The following MACROD2 variants were observed in gnomAD, a reference collection of about 807,000 sequenced individuals.
MACROD2 encodes ADP-ribose glycohydrolase MACROD2.
A neutral mutation model predicts 70.4 loss-of-function variants in MACROD2; 36 were observed. The observed-to-expected ratio is 0.51, with a 90% CI of 0.39 to 0.68. The LOEUF is 0.68. MACROD2 is among the 30% of genes least tolerant of loss of function. MACROD2 has a pLI of 0.00. For missense variants in MACROD2, 496 were observed against 538.4 expected, an observed-to-expected ratio of 0.92 and a Z score of 0.78; for synonymous variants, 172 against 178.8, an observed-to-expected ratio of 0.96 and a Z score of 0.30.
intron 8 of MACROD2, among the ~76,000 whole-genome samples, chr20:15,720,134 A>C (rs768470221): frequency 6.6e-6 from 1 of 152,148 alleles, no homozygotes; most frequent in Non-Finnish European, 1.5e-5. Context: ...GAATTTTATT[A>C]TTTTTTATAG....
chr20:15,250,415 G>A (rs543075767), intron 6 of MACROD2, among the ~76,000 whole-genome samples: 3 of 152,204 alleles, frequency 2.0e-5, no homozygotes, highest in African/African-American at 7.2e-5. Context: ...CGTTGCATTC[G>A]CTTTGACTTT....
Position 14,879,119 on chromosome 20 carries a change from C to A in MACROD2, c.418+194160C>A, listed in dbSNP as rs149285404. Among the ~76,000 whole-genome samples, 415 of 152,174 alleles carry A rather than the reference C, an allele frequency of 2.7e-3. 1 individual carries two copies. Among genetic ancestry groups the A allele is most frequent in the Non-Finnish European group, 3.9e-3 (263 of 68,010 alleles). ...TGAGCTCCGTATTTTTTATCTTCAC[C>A]CTTATGCATTGCGTAATTAAAACCT... is the stretch of plus-strand genomic sequence containing the variant. On this transcript the variant is annotated intron_variant, in intron 5 of 17. Transcript: ENST00000684519.
chr20:14,339,023 C>T (rs1404126206), intron 3 of MACROD2, among the ~76,000 whole-genome samples: 1 of 152,194 alleles, frequency 6.6e-6, no homozygotes, highest in African/African-American at 2.4e-5. Flanking sequence ...TGTCCTTTCT[C>T]AATTTTTCCC....
chr20:14,213,151 G>A (rs1025350912), intron 3 of MACROD2, among the ~76,000 whole-genome samples: 1 of 151,630 alleles, frequency 6.6e-6, no homozygotes, highest in Non-Finnish European at 1.5e-5. Context: ...TAATATTGAT[G>A]TTACCAAATG....
chr20:14,063,309 G>C (rs752208873), intron 2 of MACROD2, among the ~76,000 whole-genome samples: 1 of 152,150 alleles, frequency 6.6e-6, no homozygotes, highest in Non-Finnish European at 1.5e-5. Context: ...GAATGTTTCA[G>C]GTCAATTAGA....
intron 6 of MACROD2, among the ~76,000 whole-genome samples, chr20:15,323,999 T>C (rs2077900378): frequency 1.3e-5 from 2 of 152,122 alleles, no homozygotes; most frequent in South Asian, 2.1e-4. Flanking sequence ...TCTGTGATGC[T>C]CATGCTTGTG....
chr20:14,887,906 A>G (rs1261465593), intron 5 of MACROD2, among the ~76,000 whole-genome samples: 1 of 151,636 alleles, frequency 6.6e-6, no homozygotes, highest in African/African-American at 2.4e-5. Flanking sequence ...TGTTTAAACT[A>G]TAAAGAAAAA....
chr20:14,717,711 G>A (rs6074777), intron 5 of MACROD2, among the ~76,000 whole-genome samples: 64,828 of 151,752 alleles, frequency 0.43, 14,733 homozygotes, highest in Non-Finnish European at 0.51. Context: ...GAATTGGAGA[G>A]AGGTAATAGA....
chr20:15,094,723 T>C (rs2075816131), intron 5 of MACROD2, among the ~76,000 whole-genome samples: 1 of 152,180 alleles, frequency 6.6e-6, no homozygotes, highest in African/African-American at 2.4e-5. Context: ...TCCCTGTGTA[T>C]TTTAAAATCT....
chr20:15,909,440 T>TA (rs1371196115), intron 10 of MACROD2, among the ~76,000 whole-genome samples: 1 of 152,012 alleles, frequency 6.6e-6, no homozygotes, highest in Non-Finnish European at 1.5e-5. Flanking sequence ...TGGAATGAGA[T>TA]ATGTATAGGT....
intron 5 of MACROD2, among the ~76,000 whole-genome samples, chr20:14,862,708 T>TAA (rs1443606720): frequency 3.3e-5 from 3 of 91,286 alleles, no homozygotes; most frequent in South Asian, 3.0e-4. Context: ...TAAATATATA[T>TAA]ATATATATTT....
intron 15 of MACROD2, among the ~76,000 whole-genome samples, chr20:16,024,677 C>T (rs1361301808): frequency 6.6e-6 from 1 of 152,178 alleles, no homozygotes; most frequent in Non-Finnish European, 1.5e-5. Context: ...AAATAGCAAC[C>T]AGATTAAATA....
intron 8 of MACROD2, among the ~76,000 whole-genome samples, chr20:15,771,052 A>G (rs2051616178): frequency 6.6e-6 from 1 of 152,196 alleles, no homozygotes; most frequent in Non-Finnish European, 1.5e-5. Context: ...ACATTCTGCT[A>G]CAAATATCAT....
At chr20:14,758,171 G>A in intron 5 of MACROD2, 1 of 280,542 alleles carries the variant, frequency 3.6e-6, no homozygotes. Context: ...ATAAACACAG[G>A]TAATTTCCAT....
rs564513310 is a variant in MACROD2, at chr20:14,588,453, C to T, written c.301+94945C>T. 1.1e-4 allele frequency among the ~76,000 whole-genome samples: 16 copies of T among 152,192 alleles called. 1 individual carries two copies. The highest frequency in any genetic ancestry group is 1.0e-3 in the Admixed American group (16 of 15,274). On this transcript the variant is annotated intron_variant, in intron 4 of 17. Transcript: ENST00000684519. ...AGGACAGCTTTACTTTTATAATTAG[C>T]TACTCTTTGTCTTGCTATTTAGTTC...
chr20:15,908,664 T>C (rs1289058551), intron 10 of MACROD2, among the ~76,000 whole-genome samples: 1 of 152,204 alleles, frequency 6.6e-6, no homozygotes, highest in Non-Finnish European at 1.5e-5. Flanking sequence ...ACCTTTCTTT[T>C]ATTTCTTACT....
chr20:14,567,538 T>C (rs1979891830), intron 4 of MACROD2, among the ~76,000 whole-genome samples: 1 of 152,074 alleles, frequency 6.6e-6, no homozygotes, highest in African/African-American at 2.4e-5. Flanking sequence ...CATGCTAGCA[T>C]GGCTATACTT....
rs1213772821 is a variant in MACROD2, at chr20:15,874,329, G to T, written c.728-11435G>T. ...CAGTCTATTATTGATGGACATTTGG[G>T]TTGGTTCCAAGTCTTTGCTATGGTG... On this transcript the variant is annotated intron_variant, in intron 9 of 17. Coordinates refer to ENST00000684519, the MANE Select transcript of MACROD2 (RefSeq NM_001351661.2). Among the ~76,000 whole-genome samples, 4 of 152,036 alleles carry T rather than the reference G, an allele frequency of 2.6e-5. No individual in the cohort carries two copies. The East Asian group carries it at 7.7e-4, about 29-fold the overall frequency.
At chr20:14,288,125 G>T (rs1024787728) in intron 3 of MACROD2, among the ~76,000 whole-genome samples, 8 of 151,484 alleles carry the variant, frequency 5.3e-5, no homozygotes, top group African/African-American at 9.7e-5. Context: ...CACCCTACAA[G>T]GTAGGGTGTA....
Sources: allele counts gnomAD v4.1 joint callset (sites outside exome capture counted in the v4.1 genomes callset), GRCh38; gene constraint gnomAD v4.1.1; transcripts MANE v1.5; gene names NCBI Gene and HGNC (gene_info 2026-07-23, HGNC 2026-07-21).